Variants in GABRB1 observed in about 807,000 individuals in gnomAD.
GABRB1 encodes the protein gamma-aminobutyric acid receptor subunit beta-1.
In GABRB1, 17 loss-of-function variants were observed where a neutral mutation model predicts 51.6. The ratio of observed to expected loss-of-function variants is 0.33; its 90% CI spans 0.23 to 0.49. The LOEUF is 0.49. Among genes scored for constraint, GABRB1 ranks in the 20% least tolerant of loss-of-function variants. GABRB1 has a pLI of 0.99. For synonymous variants in GABRB1, 247 were observed against 218.9 expected (o/e 1.13, Z -1.14); for missense variants, 410 against 600.6 (o/e 0.68, Z 3.32).
chr4:47,152,968 C>T (rs191611578), intron 3 of GABRB1, among the ~76,000 whole-genome samples: 38 of 152,080 alleles, frequency 2.5e-4, no homozygotes, highest in Non-Finnish European at 1.5e-5. Context: ...ATTTTGTATC[C>T]TTTACTGGGC....
chr4:47,400,942 T>C (rs1164663670), intron 5 of GABRB1, among the ~76,000 whole-genome samples: 1 of 147,096 alleles, frequency 6.8e-6, no homozygotes, highest in Non-Finnish European at 1.5e-5. Context: ...TTTTTTTTTT[T>C]TTTTGAGACG....
intron 3 of GABRB1, among the ~76,000 whole-genome samples, chr4:47,083,634 C>T (rs1299073812): frequency 6.6e-6 from 1 of 152,120 alleles, no homozygotes; most frequent in African/African-American, 2.4e-5. Flanking sequence ...CTGGGTCTGT[C>T]ACATTGCTAA....
intron 3 of GABRB1, among the ~76,000 whole-genome samples, chr4:47,123,891 A>AATATATAATATATG (rs1715983106): frequency 1.2e-5 from 1 of 83,776 alleles, no homozygotes; most frequent in South Asian, 3.0e-4. Context: ...TAATATATAT[A>AATATATAATATATG]ATATATAATA....
chr4:47,150,936 C>T (rs1717416027), intron 3 of GABRB1, among the ~76,000 whole-genome samples: 1 of 151,714 alleles, frequency 6.6e-6, no homozygotes, highest in African/African-American at 2.4e-5. Context: ...TTTTAAAATA[C>T]AAGGTGGTAT....
intron 5 of GABRB1, among the ~76,000 whole-genome samples, chr4:47,323,599 T>A (rs1460647760): frequency 6.6e-6 from 1 of 152,102 alleles, no homozygotes; most frequent in East Asian, 1.9e-4. Context: ...AGTCGGGAAA[T>A]AAGAATGATA....
intron 5 of GABRB1, among the ~76,000 whole-genome samples, chr4:47,353,110 C>T (rs958376529): frequency 6.6e-6 from 1 of 152,140 alleles, no homozygotes; most frequent in African/African-American, 2.4e-5. Flanking sequence ...ACCATCAGAT[C>T]TCATGAGACT....
intron 3 of GABRB1, among the ~76,000 whole-genome samples, chr4:47,042,055 C>G (rs777130564): frequency 1.3e-5 from 2 of 151,996 alleles, no homozygotes; most frequent in East Asian, 3.9e-4. Flanking sequence ...CCTAACCTTG[C>G]CTTTATCCCC....
chr4:47,415,900 A>G (rs1166330490), intron 8 of GABRB1, among the ~76,000 whole-genome samples: 3 of 151,970 alleles, frequency 2.0e-5, no homozygotes, highest in Non-Finnish European at 4.4e-5. Context: ...GTCCTTGGCC[A>G]TTGAAACTCA....
At chr4:47,212,446 G>A (rs1420272028) in intron 4 of GABRB1, among the ~76,000 whole-genome samples, 5 of 152,176 alleles carry the variant, frequency 3.3e-5, no homozygotes, top group Non-Finnish European at 5.9e-5. Flanking sequence ...GGAGGCTGAG[G>A]CCTTTGGATC....
chr4:47,076,300 A>T (rs1015253306), intron 3 of GABRB1, among the ~76,000 whole-genome samples: 1 of 152,346 alleles, frequency 6.6e-6, no homozygotes, highest in East Asian at 1.9e-4. Context: ...ACTGACTTGC[A>T]TGGGGGTTCC....
chr4:47,145,732 A>G (rs796995126), intron 3 of GABRB1, among the ~76,000 whole-genome samples: 5 of 152,144 alleles, frequency 3.3e-5, no homozygotes, highest in African/African-American at 9.6e-5. Flanking sequence ...ATACTTCTGA[A>G]ACCAAGGTAT....
chr4:47,310,561 T>TCTGC (rs1724632421), intron 4 of GABRB1, among the ~76,000 whole-genome samples: 1 of 152,242 alleles, frequency 6.6e-6, no homozygotes, highest in Non-Finnish European at 1.5e-5. Context: ...TCTGCTTAGA[T>TCTGC]TCATCTGGCC....
chr4:47,398,667 C>T (rs1199315138), intron 5 of GABRB1, among the ~76,000 whole-genome samples: 5 of 152,266 alleles, frequency 3.3e-5, no homozygotes, highest in African/African-American at 9.6e-5. Flanking sequence ...TCACCGCAAT[C>T]TCCGCCTCCC....
intron 3 of GABRB1, among the ~76,000 whole-genome samples, chr4:47,069,200 A>G (rs768840361): frequency 7.9e-5 from 12 of 152,222 alleles, no homozygotes; most frequent in South Asian, 2.1e-4. Context: ...TAAATATATC[A>G]CCAGTCTGCC....
intron 3 of GABRB1, among the ~76,000 whole-genome samples, chr4:47,105,277 C>T (rs1714912577): frequency 6.6e-6 from 1 of 152,012 alleles, no homozygotes; most frequent in Non-Finnish European, 1.5e-5. Context: ...TTCCTCTGTC[C>T]CTTGCCTAAA....
upstream of GABRB1, among the ~76,000 whole-genome samples, chr4:47,028,155 A>C (rs1266074206): frequency 1.3e-5 from 2 of 151,684 alleles, no homozygotes; most frequent in African/African-American, 4.8e-5. Flanking sequence ...TGGTCACTTA[A>C]TTATTTTTTT....
chr4:47,217,742 A>T (rs1720610725), intron 4 of GABRB1, among the ~76,000 whole-genome samples: 1 of 151,248 alleles, frequency 6.6e-6, no homozygotes, highest in African/African-American at 2.4e-5. Context: ...ATGGGGTTCC[A>T]TGTGACATTT....
chr4:47,246,334 GTACATATATATATA>G (rs1560295692), intron 4 of GABRB1, among the ~76,000 whole-genome samples: 3 of 7,650 alleles, frequency 3.9e-4, no homozygotes, highest in Non-Finnish European at 7.8e-4. Flanking sequence ...ACACACATAT[GTACATATATATATA>G]TATATATATA....
intron 4 of GABRB1, among the ~76,000 whole-genome samples, chr4:47,295,442 C>G (rs986938930): frequency 3.9e-5 from 6 of 152,088 alleles, no homozygotes; most frequent in Non-Finnish European, 8.8e-5. Context: ...AGCCAAGGCT[C>G]GAGAACTACA....
Sources: gnomAD v4.1 joint callset for allele counts (sites outside exome capture counted in the v4.1 genomes callset) on GRCh38, gnomAD v4.1.1 for gene constraint, MANE v1.5 for transcripts, NCBI Gene and HGNC (gene_info 2026-07-23, HGNC 2026-07-21) for gene names.